The following GASK1A variants were observed in gnomAD, a reference collection of about 807,000 sequenced individuals.
GASK1A encodes the protein Golgi-associated kinase 1A.
In GASK1A, 40 loss-of-function variants were observed where a neutral mutation model predicts 41.2. The observed-to-expected ratio is 0.97, with a 90% CI of 0.75 to 1.27. The LOEUF is 1.27. Ranked by LOEUF, GASK1A falls within the 50% of genes most tolerant of loss-of-function variation. The pLI is 0.00. For missense variants in GASK1A, 678 were observed against 745.1 expected (o/e 0.91, Z 1.05); for synonymous variants, 316 against 307.1 (o/e 1.03, Z -0.30).
At chr3:43,029,274 T>C (rs870238) in intron 1 of GASK1A, among the ~76,000 whole-genome samples, 86,089 of 151,834 alleles carry the variant, frequency 0.57, 24,762 homozygotes, top group South Asian at 0.69. Flanking sequence ...GGAGTGATTG[T>C]GTCTCCCGGT....
rs891107456 is a variant in GASK1A, at chr3:43,033,343, C to G, written c.1080C>G (p.Tyr360Ter). The change falls in exon 2 of 5, where the codon TAC becomes TAG. Residue 360 changes from tyrosine to a stop codon, truncating the protein, a stop_gained. Transcript: ENST00000430121. LOFTEE classifies it high-confidence loss of function. Reference sequence around the variant, plus strand: ...ATAGCCCCCTCCTGCCCTACCGATACACAGACGGTGGAGCAAGGCCTGTCA... The same window carrying G: ...ATAGCCCCCTCCTGCCCTACCGATAGACAGACGGTGGAGCAAGGCCTGTCA... ...RFHSPLLPYR[Y>*]TDGGARPVIW... The G allele has an allele frequency of 2.3e-5, 36 of 1,551,244 alleles. No individual in the cohort carries two copies. Among genetic ancestry groups the G allele is most frequent in the Non-Finnish European group, 3.1e-5 (35 of 1,146,814 alleles).
chr3:42,981,882 G>C (rs2089284394), intron 1 of GASK1A, among the ~76,000 whole-genome samples: 1 of 152,082 alleles, frequency 6.6e-6, no homozygotes. Context: ...ACAGAGTATT[G>C]TCTTTTAATT....
chr3:43,022,173 A>G (rs372615247), intron 1 of GASK1A, among the ~76,000 whole-genome samples: 8 of 151,394 alleles, frequency 5.3e-5, no homozygotes, highest in African/African-American at 1.9e-4. Flanking sequence ...TCTCTAATGT[A>G]CTCTTTATTA....
chr3:42,982,386 C>T (rs532748400), intron 1 of GASK1A, among the ~76,000 whole-genome samples: 8 of 152,328 alleles, frequency 5.3e-5, no homozygotes, highest in East Asian at 3.9e-4. Flanking sequence ...ACAACTTCTA[C>T]AGGAACCATG....
At chr3:43,020,786 A>T (rs1463369679) in intron 1 of GASK1A, among the ~76,000 whole-genome samples, 1 of 152,204 alleles carries the variant, frequency 6.6e-6, no homozygotes, top group Non-Finnish European at 1.5e-5. Flanking sequence ...TCTCACGGTG[A>T]GGACAGATTT....
rs193287706 is a variant in GASK1A at position 43,033,287 on chromosome 3, C to T, written c.1024C>T (p.Arg342Trp). 50 of 1,551,496 alleles carry T rather than the reference C, an allele frequency of 3.2e-5. No individual in the cohort carries two copies. In the Middle Eastern group the frequency reaches 6.7e-4, roughly 21 times the overall value. ...FHVDRVLGLR[R>W]SLPAVARRFH... Reference sequence around the variant, plus strand: ...CGTAGATCGTGTGCTGGGGCTGCGCCGGAGCCTACCTGCTGTGGCCCGCCG... The same window carrying T: ...CGTAGATCGTGTGCTGGGGCTGCGCTGGAGCCTACCTGCTGTGGCCCGCCG... The change falls in exon 2 of 5, where the codon CGG becomes TGG. Residue 342 changes from arginine to tryptophan, a missense_variant. Physicochemically the swap from Arg to Trp is moderately radical, Grantham distance 101. Transcript: ENST00000430121.
At chr3:43,024,816 C>A (rs6806706) in intron 1 of GASK1A, among the ~76,000 whole-genome samples, 82,971 of 151,994 alleles carry the variant, frequency 0.55, 23,113 homozygotes, top group South Asian at 0.66. Flanking sequence ...ATCCATTGAG[C>A]GACAGACATT....
chr3:43,010,281 A>T (rs1411331396), intron 1 of GASK1A, among the ~76,000 whole-genome samples: 1 of 152,140 alleles, frequency 6.6e-6, no homozygotes. Context: ...GTGAACTCGT[A>T]CTCAGATATT....
intron 2 of GASK1A, among the ~76,000 whole-genome samples, chr3:43,042,080 C>G (rs1246755304): frequency 6.6e-6 from 1 of 152,162 alleles, no homozygotes; most frequent in Non-Finnish European, 1.5e-5. Context: ...TGACATGTTT[C>G]TTACAGATTC....
In GASK1A at chr3:42,997,430, CAGAG is replaced by C. The variant is rs577401774; in HGVS notation, c.3+17790_3+17793del. ...TACTTTCACACGCATGAGAGAGAGACAGAGAGAGGGGGGGGGGATCTGGGATCCT... is the reference window on the plus strand; with the variant it reads ...TACTTTCACACGCATGAGAGAGAGACAGAGGGGGGGGGGATCTGGGATCCT... On this transcript the variant is annotated intron_variant, in intron 1 of 4. Coordinates refer to ENST00000430121, the MANE Select transcript of GASK1A (RefSeq NM_001129908.3). 7.3e-5 allele frequency among the ~76,000 whole-genome samples: 10 copies of C among 137,016 alleles called. 1 individual carries two copies. The highest frequency in any genetic ancestry group is 6.9e-4 in the East Asian group (3 of 4,338). 89.9% of individuals were successfully genotyped at this position (137,016 alleles called of 152,430 possible). A position where few individuals can be genotyped will look rare whatever the true frequency, so the allele number is the denominator to read the frequency against.
chr3:43,038,308 A>G (rs521101), intron 2 of GASK1A, among the ~76,000 whole-genome samples: 143,108 of 152,256 alleles, frequency 0.94, 67,876 homozygotes, highest in East Asian at 1. Flanking sequence ...CCTTTCTTCC[A>G]TTCTTATCAG....
intron 3 of GASK1A, among the ~76,000 whole-genome samples, chr3:43,055,124 A>G (rs2089709667): frequency 6.6e-6 from 1 of 152,220 alleles, no homozygotes; most frequent in African/African-American, 2.4e-5. Context: ...CAGCCCAGCT[A>G]CTTACTAGCT....
At chr3:43,048,935 G>A (rs184959027) in intron 2 of GASK1A, among the ~76,000 whole-genome samples, 120 of 152,292 alleles carry the variant, frequency 7.9e-4, no homozygotes, top group African/African-American at 2.7e-3. Context: ...CCAAGCAACA[G>A]AGACTAACTC....
At chr3:42,990,775 C>T (rs1452948083) in intron 1 of GASK1A, among the ~76,000 whole-genome samples, 1 of 152,136 alleles carries the variant, frequency 6.6e-6, no homozygotes, top group Non-Finnish European at 1.5e-5. Context: ...TTCTGCAGGC[C>T]AGGTGTGTTG....
chr3:43,035,360 C>G (rs935088189), intron 2 of GASK1A, among the ~76,000 whole-genome samples: 2 of 152,170 alleles, frequency 1.3e-5, no homozygotes, highest in Non-Finnish European at 2.9e-5. Context: ...AGGGGTTTCC[C>G]AGATCATAGG....
chr3:43,035,018 C>T (rs982298399), intron 2 of GASK1A, among the ~76,000 whole-genome samples: 6 of 152,202 alleles, frequency 3.9e-5, no homozygotes, highest in Admixed American at 1.3e-4. Context: ...TCTATGTCCC[C>T]GTGGCTGCTT....
chr3:43,015,295 T>C (rs1312170870), intron 1 of GASK1A, among the ~76,000 whole-genome samples: 1 of 123,800 alleles, frequency 8.1e-6, no homozygotes, highest in Admixed American at 8.0e-5. Flanking sequence ...AGGAAGGGGC[T>C]GTGTGAAGCC....
intron 1 of GASK1A, among the ~76,000 whole-genome samples, chr3:43,017,036 AG>A (rs1415422187): frequency 6.7e-6 from 1 of 149,176 alleles, no homozygotes; most frequent in East Asian, 2.1e-4. Context: ...GTAAAGTCAC[AG>A]GAAGTGTTGT....
chr3:43,020,501 G>C (rs1161873990), intron 1 of GASK1A, among the ~76,000 whole-genome samples: 1 of 152,136 alleles, frequency 6.6e-6, no homozygotes, highest in Non-Finnish European at 1.5e-5. Flanking sequence ...ACTGAGGGAG[G>C]GGTGCTAGGC....
Sources: allele counts gnomAD v4.1 joint callset (sites outside exome capture counted in the v4.1 genomes callset), GRCh38; gene constraint gnomAD v4.1.1; transcripts MANE v1.5; gene names NCBI Gene and HGNC (gene_info 2026-07-23, HGNC 2026-07-21).